MYH11: variants seen among roughly 807,000 people sequenced by gnomAD.
The protein encoded by MYH11 is myosin heavy chain 11.
Under a neutral mutation model 246.6 loss-of-function variants are expected in MYH11, and 80 were observed. The observed-to-expected ratio is 0.32, with a 90% CI of 0.27 to 0.39. The LOEUF (loss-of-function observed/expected upper bound fraction) is 0.39. Among genes scored for constraint, MYH11 ranks in the 10% least tolerant of loss-of-function variants. The pLI, the probability that MYH11 is intolerant of heterozygous loss-of-function variation, is 1.00. For synonymous variants in MYH11, 1,071 were observed against 1,015.5 expected (o/e 1.05, Z -1.04); for missense variants, 2,158 against 2,546.8 (o/e 0.85, Z 3.29).
chr16:15,795,891 C>T (rs1385601327), intron 4 of MYH11, among the ~76,000 whole-genome samples: 1 of 152,152 alleles, frequency 6.6e-6, no homozygotes, highest in Admixed American at 6.5e-5. Flanking sequence ...ACTAACTAGA[C>T]GATGATGGGG....
chr16:15,717,130 AC>A lies in MYH11; in HGVS notation c.5504+9del. On this transcript the variant is annotated intron_variant, in intron 38 of 40. Transcript: ENST00000300036. ...CTGCAAACTGGGTTCGGAACTCCAC[AC>A]CCGCATACCTGGCCTCCTGCTCGAC... 6.2e-7 allele frequency: 1 copy of A among 1,613,978 alleles called. No homozygotes were observed.
intron 36 of MYH11, 81 bp from the exon 37 acceptor site, chr16:15,718,519 G>A: frequency 6.6e-7 from 1 of 1,515,584 alleles, no homozygotes; most frequent in Non-Finnish European, 8.8e-7. Flanking sequence ...CATGCCTCAG[G>A]GGTATTGCCC....
chr16:15,738,668 C>T lies in MYH11; in HGVS notation c.3018G>A (p.Glu1006=), dbSNP rs1469418234. Reference sequence around the variant, plus strand: ...GATTTGTCGTTAAGTCACTAATCCTCTCCTCAAGGAGTTTTCGTTCCTTTT... The same window carrying T: ...GATTTGTCGTTAAGTCACTAATCCTTTCCTCAAGGAGTTTTCGTTCCTTTT... The part of the protein sequence containing the change: ...KLSKERKLLE[E]RISDLTTNLA... The change falls in exon 24 of 41, where the codon GAG becomes GAA. Residue 1006 remains glutamate, a synonymous_variant. Coordinates refer to ENST00000300036, the MANE Select transcript of MYH11 (RefSeq NM_002474.3). The T allele has an allele frequency of 1.9e-5, 31 of 1,613,776 alleles. No homozygotes were observed. The highest frequency in any genetic ancestry group is 2.5e-5 in the Non-Finnish European group (29 of 1,179,862).
intron 4 of MYH11, among the ~76,000 whole-genome samples, chr16:15,789,351 T>C (rs1462265756): frequency 6.6e-6 from 1 of 152,154 alleles, no homozygotes; most frequent in Non-Finnish European, 1.5e-5. Context: ...GGCTCACAGA[T>C]CTTTTCATTT....
chr16:15,763,880 C>T lies in MYH11; in HGVS notation c.1045G>A (p.Val349Met), dbSNP rs1414623292. 6.2e-7 allele frequency: 1 copy of T among 1,613,380 alleles called. No individual in the cohort carries two copies. Among genetic ancestry groups the T allele is most frequent in the East Asian group, 2.2e-5 (1 of 44,868 alleles). ...CCAAGCTGCAGGACCGATGATACCA[C>T]CTTCAATATGGCTGAGGTGGGGAGA... ...SEEEQLSILKVVSSVLQLGNI... is the reference protein window; with the variant it reads ...SEEEQLSILKMVSSVLQLGNI... The change falls in exon 10 of 41, where the codon GTG (valine) becomes ATG (methionine). Residue 349 changes from valine to methionine, a missense_variant. Around this residue, in one of 11 missense-constraint regions of MYH11, gnomAD observed 75 missense variants for 70.0 expected, o/e 1.07. Coordinates refer to ENST00000300036, the MANE Select transcript of MYH11 (RefSeq NM_002474.3).
intron 15 of MYH11, among the ~76,000 whole-genome samples, 172 bp downstream of exon 15, chr16:15,753,222 A>G (rs867665051): frequency 6.6e-6 from 1 of 151,852 alleles, no homozygotes; most frequent in South Asian, 2.1e-4. Flanking sequence ...AGGGACCCCC[A>G]CTCAGGAAGA....
At chr16:15,734,149 A>G (rs80127422) in intron 26 of MYH11, among the ~76,000 whole-genome samples, 8 of 152,348 alleles carry the variant, frequency 5.3e-5, no homozygotes, top group East Asian at 3.9e-4. Flanking sequence ...TTGAAAACCA[A>G]TCTGATCAAT....
chr16:15,719,134 A>G, intron 36 of MYH11, 86 bp downstream of exon 36: 1 of 1,399,982 alleles, frequency 7.1e-7, no homozygotes, highest in Admixed American at 1.8e-5. Flanking sequence ...TCTCGAAAAA[A>G]TTTAAAAAAT....
chr16:15,827,533 G>T (rs966663188), intron 2 of MYH11, among the ~76,000 whole-genome samples: 8 of 152,230 alleles, frequency 5.3e-5, no homozygotes, highest in South Asian at 2.1e-4. Flanking sequence ...GGCTGGGAGT[G>T]GGGGGCTGCC....
At chr16:15,754,155 T>G (rs1224598386) in intron 14 of MYH11, among the ~76,000 whole-genome samples, 2 of 152,016 alleles carry the variant, frequency 1.3e-5, no homozygotes, top group African/African-American at 4.8e-5. Flanking sequence ...AGGCGGAGAT[T>G]GCAGTGAGCT....
chr16:15,833,513 C>T (rs1039520699), intron 2 of MYH11, among the ~76,000 whole-genome samples: 11 of 152,006 alleles, frequency 7.2e-5, no homozygotes, highest in Admixed American at 1.3e-4. Flanking sequence ...CCATGCTCCC[C>T]GCCAGGTATG....
At position 15,737,447 on chromosome 16, in the gene MYH11, A is replaced by G; in HGVS notation, c.3293+2T>C. 1 of 1,612,018 alleles carries G rather than the reference A, an allele frequency of 6.2e-7. No individual in the cohort carries two copies. Among genetic ancestry groups the G allele is most frequent in the Non-Finnish European group, 8.5e-7 (1 of 1,180,006 alleles). Reference sequence around the variant, plus strand: ...GCAAATGCCCCTTGCCAGCCCCGCTACCTGGCCAGGGCCGCCTGCAGCTCC... The same window carrying G: ...GCAAATGCCCCTTGCCAGCCCCGCTGCCTGGCCAGGGCCGCCTGCAGCTCC... On this transcript the variant is annotated splice_donor_variant, in intron 25 of 40. Transcript: ENST00000300036. LOFTEE classifies it high-confidence loss of function.
At position 15,715,290 on chromosome 16, in the gene MYH11, A is replaced by C; in HGVS notation, c.5505-18T>G. 2 of 1,613,752 alleles carry C rather than the reference A, an allele frequency of 1.2e-6. No homozygotes were observed. The highest frequency in any genetic ancestry group is 1.7e-6 in the Non-Finnish European group (2 of 1,179,838). On this transcript the variant is annotated intron_variant, in intron 38 of 40. Coordinates refer to ENST00000300036, the MANE Select transcript of MYH11 (RefSeq NM_002474.3). ...GTTTCTCTCTGCAAACAGCAAGGAA[A>C]ACAGGTGGTTTCAGCGGAGGGTGGC...
At chr16:15,721,713 C>T in intron 31 of MYH11, 79 bp from the exon 32 acceptor site, 2 of 1,446,758 alleles carry the variant, frequency 1.4e-6, no homozygotes, top group Non-Finnish European at 1.9e-6. Flanking sequence ...GGGGGAAGCC[C>T]TGTGTCCTGC....
At chr16:15,799,208 AC>A (rs1048205073) in intron 3 of MYH11, among the ~76,000 whole-genome samples, 1 of 151,840 alleles carries the variant, frequency 6.6e-6, no homozygotes, top group African/African-American at 2.4e-5. Context: ...TTCCCCCATC[AC>A]CCCTACCGTC....
intron 40 of MYH11, among the ~76,000 whole-genome samples, chr16:15,705,279 G>T (rs531609636): frequency 6.6e-6 from 1 of 152,310 alleles, no homozygotes; most frequent in African/African-American, 2.4e-5. Flanking sequence ...AGTGCACCTG[G>T]CCTCTGAGGT....
At chr16:15,763,746 C>CA in intron 10 of MYH11, 50 bp downstream of exon 10, 1 of 628,386 alleles carries the variant, frequency 1.6e-6, no homozygotes, top group Non-Finnish European at 3.0e-6. Context: ...TCACCTCCCC[C>CA]ACCCCCCCAA....
chr16:15,707,534 C>T (rs2039521311), intron 40 of MYH11, among the ~76,000 whole-genome samples: 1 of 152,146 alleles, frequency 6.6e-6, no homozygotes, highest in South Asian at 2.1e-4. Flanking sequence ...TCATCTGCTC[C>T]CCCACAAAAC....
At chr16:15,758,239 A>AC (rs1403909785) in intron 12 of MYH11, among the ~76,000 whole-genome samples, 8 of 152,204 alleles carry the variant, frequency 5.3e-5, no homozygotes, top group African/African-American at 1.9e-4. Flanking sequence ...CTCCATCTGC[A>AC]CAACCATCTA....
Sources: allele counts gnomAD v4.1 joint callset (sites outside exome capture counted in the v4.1 genomes callset), GRCh38; gene constraint gnomAD v4.1.1; regional missense constraint gnomAD v4.1.1; transcripts MANE v1.5; gene names NCBI Gene and HGNC (gene_info 2026-07-23, HGNC 2026-07-21).